GABBR2: variants seen among roughly 807,000 people sequenced by gnomAD.
The protein encoded by GABBR2 is G-protein coupled receptor 51.
In GABBR2, 23 loss-of-function variants were observed where a neutral mutation model predicts 105.6. The ratio of observed to expected loss-of-function variants is 0.22; its 90% CI spans 0.16 to 0.31. The LOEUF (loss-of-function observed/expected upper bound fraction) is 0.31, where lower values mean the gene tolerates loss of function less well. GABBR2 is among the 10% of genes least tolerant of loss of function. The pLI, the probability that GABBR2 is intolerant of heterozygous loss-of-function variation, is 1.00. For missense variants in GABBR2, 734 were observed against 1,245.5 expected (o/e 0.59, Z 6.18); for synonymous variants, 478 against 499.7 (o/e 0.96, Z 0.58).
At position 98,607,924 on chromosome 9, in the gene GABBR2, A is replaced by G. The variant is rs959389055; in HGVS notation, c.322-29852T>C. 2.8e-6 allele frequency: 4 copies of G among 1,445,522 alleles called. No homozygotes were observed. In the African/African-American group the frequency reaches 5.6e-5, roughly 20 times the overall value. 89.5% of individuals were successfully genotyped at this position (1,445,522 alleles called of 1,614,324 possible). On this transcript the variant is annotated intron_variant, in intron 1 of 18. Coordinates refer to ENST00000259455, the MANE Select transcript of GABBR2 (RefSeq NM_005458.8). The stretch of plus-strand genomic sequence containing the variant: ...GGTGTTTGAGATGAAGGTCAAAGAA[A>G]AAGTTCAAAACTGAAGAACTCTGAA...
At chr9:98,572,480 T>C (rs944332162) in intron 2 of GABBR2, among the ~76,000 whole-genome samples, 1 of 152,168 alleles carries the variant, frequency 6.6e-6, no homozygotes, top group East Asian at 1.9e-4. Flanking sequence ...CAGTTTTCCA[T>C]TTGTGAAGCT....
At chr9:98,415,277 A>G (rs1177219599) in intron 7 of GABBR2, among the ~76,000 whole-genome samples, 2 of 152,228 alleles carry the variant, frequency 1.3e-5, no homozygotes, top group African/African-American at 4.8e-5. Context: ...CTTTATTAAA[A>G]ACTTTTTAAA....
rs1000441 is a variant in GABBR2 at position 98,496,574 on chromosome 9, C to T, written c.631-60G>A. ...TGGGGACCACAGGAAGGGCCAGTTC[C>T]GAGGGGTCACCCTGGGGAAGTCAAT... On this transcript the variant is annotated intron_variant, in intron 3 of 18. Transcript: ENST00000259455. 28,092 of 1,109,886 alleles carry T rather than the reference C, an allele frequency of 0.025. 1,212 individuals carry two copies. Among genetic ancestry groups the T allele is most frequent in the East Asian group, 0.15 (6,499 of 42,446 alleles). The allele number at this position is 1,109,886 out of a possible 1,614,324, so 68.8% of individuals were successfully genotyped here. A position where few individuals can be genotyped will look rare whatever the true frequency, so the allele number is the denominator to read the frequency against.
chr9:98,392,004 G>T (rs778336033), intron 9 of GABBR2, among the ~76,000 whole-genome samples: 2 of 152,050 alleles, frequency 1.3e-5, no homozygotes, highest in Non-Finnish European at 2.9e-5. Context: ...GCCAGGTGTG[G>T]ATAGAAGGCC....
Position 98,526,407 on chromosome 9 carries a change from C to A in GABBR2, c.630+15466G>T, listed in dbSNP as rs551354109. ...GTGCATCTGTTCTCTCTGCCTGGAA[C>A]CCTCTTCTCTCAGGTCTCCTTATAA... is the stretch of plus-strand genomic sequence containing the variant. On this transcript the variant is annotated intron_variant, in intron 3 of 18. Coordinates refer to ENST00000259455, the MANE Select transcript of GABBR2 (RefSeq NM_005458.8). 2.0e-5 allele frequency among the ~76,000 whole-genome samples: 3 copies of A among 152,214 alleles called. No homozygotes were observed. The South Asian group carries it at 6.2e-4, about 32-fold the overall frequency.
chr9:98,402,031 G>T (rs1361152162), intron 8 of GABBR2, among the ~76,000 whole-genome samples: 1 of 152,166 alleles, frequency 6.6e-6, no homozygotes, highest in African/African-American at 2.4e-5. Context: ...TGACAATTAT[G>T]TCGTTAGAGT....
chr9:98,692,126 C>A (rs547489500), intron 1 of GABBR2, among the ~76,000 whole-genome samples: 2 of 152,318 alleles, frequency 1.3e-5, no homozygotes, highest in South Asian at 4.1e-4. Context: ...AAAACTAACA[C>A]AGCTAGTAAG....
At chr9:98,307,293 G>A (rs1001566536) in intron 14 of GABBR2, among the ~76,000 whole-genome samples, 4 of 152,140 alleles carry the variant, frequency 2.6e-5, no homozygotes, top group African/African-American at 9.7e-5. Flanking sequence ...GCAGGGTGTC[G>A]AGGGTTTAAC....
intron 1 of GABBR2, among the ~76,000 whole-genome samples, chr9:98,670,359 T>A (rs1025666721): frequency 6.6e-6 from 1 of 151,712 alleles, no homozygotes; most frequent in African/African-American, 2.4e-5. Flanking sequence ...GATGAGGACA[T>A]AGAGAAATTG....
intron 11 of GABBR2, among the ~76,000 whole-genome samples, chr9:98,373,601 A>G (rs1372998127): frequency 6.6e-6 from 1 of 152,166 alleles, no homozygotes; most frequent in African/African-American, 2.4e-5. Context: ...TAGCTGACCA[A>G]CCTGTAACAC....
chr9:98,683,759 T>C (rs1032181424), intron 1 of GABBR2, among the ~76,000 whole-genome samples: 21 of 151,808 alleles, frequency 1.4e-4, no homozygotes, highest in African/African-American at 4.8e-4. Context: ...CCTGTAATCC[T>C]AGCACTTTGG....
intron 6 of GABBR2, among the ~76,000 whole-genome samples, chr9:98,472,712 T>C (rs1256759909): frequency 1.3e-5 from 2 of 152,154 alleles, no homozygotes; most frequent in Non-Finnish European, 1.5e-5. Context: ...AATTGGGGTT[T>C]GACGCAGTCT....
At chr9:98,633,188 T>C (rs532089275) in intron 1 of GABBR2, among the ~76,000 whole-genome samples, 98 of 152,222 alleles carry the variant, frequency 6.4e-4, no homozygotes, top group Non-Finnish European at 1.1e-3. Context: ...AGAACACCAC[T>C]GTCAGGGTGG....
intron 7 of GABBR2, among the ~76,000 whole-genome samples, chr9:98,419,461 C>T (rs941224361): frequency 6.6e-6 from 1 of 152,186 alleles, no homozygotes; most frequent in Non-Finnish European, 1.5e-5. Flanking sequence ...CCGTCGGGGG[C>T]GGCCAGCCAC....
intron 13 of GABBR2, among the ~76,000 whole-genome samples, chr9:98,356,005 C>G (rs149456992): frequency 6.6e-6 from 1 of 152,084 alleles, no homozygotes; most frequent in Non-Finnish European, 1.5e-5. Flanking sequence ...CTGGACAACA[C>G]GCAAAAGGAG....
chr9:98,590,138 T>C (rs1043101224), intron 1 of GABBR2, among the ~76,000 whole-genome samples: 2 of 152,226 alleles, frequency 1.3e-5, no homozygotes, highest in Admixed American at 6.5e-5. Flanking sequence ...GCCTGGCAGA[T>C]ACAATCACTG....
intron 7 of GABBR2, among the ~76,000 whole-genome samples, chr9:98,432,512 C>A (rs1316586905): frequency 1.3e-5 from 2 of 152,020 alleles, no homozygotes; most frequent in African/African-American, 2.4e-5. Flanking sequence ...GGTGGCTGAC[C>A]CCAGCACACA....
intron 13 of GABBR2, among the ~76,000 whole-genome samples, chr9:98,339,706 TTTA>T (rs1337250610): frequency 2.0e-5 from 3 of 152,222 alleles, no homozygotes; most frequent in Non-Finnish European, 4.4e-5. Context: ...ACTAATATTA[TTTA>T]TTGAGTATGT....
rs569179518 is a variant in GABBR2, at chr9:98,589,527, C to A, written c.322-11455G>T. Reference sequence around the variant, plus strand: ...TTTTGAAACATAAAGAATCAGCACACCTGGGGAACTATTAAAGAAGGGTAA... The same window carrying A: ...TTTTGAAACATAAAGAATCAGCACAACTGGGGAACTATTAAAGAAGGGTAA... On this transcript the variant is annotated intron_variant, in intron 1 of 18. Coordinates refer to ENST00000259455, the MANE Select transcript of GABBR2 (RefSeq NM_005458.8). Among the ~76,000 whole-genome samples the A allele has an allele frequency of 7.2e-5, 11 of 152,150 alleles. No individual in the cohort carries two copies. The East Asian group carries it at 2.1e-3, about 29-fold the overall frequency.
Sources: gnomAD v4.1 joint callset for allele counts (sites outside exome capture counted in the v4.1 genomes callset) on GRCh38, gnomAD v4.1.1 for gene constraint, MANE v1.5 for transcripts, NCBI Gene and HGNC (gene_info 2026-07-23, HGNC 2026-07-21) for gene names.